The following KHDRBS2 variants were observed in gnomAD, a reference collection of about 807,000 sequenced individuals.
KHDRBS2 encodes the protein KH domain-containing, RNA-binding, signal transduction-associated protein 2.
Under a neutral mutation model 44.3 loss-of-function variants are expected in KHDRBS2, and 26 were observed. That is an observed-to-expected ratio of 0.59 (90% confidence interval 0.43 to 0.81). KHDRBS2 has a LOEUF of 0.81. Ranked by LOEUF, KHDRBS2 falls within the 40% of genes least tolerant of loss-of-function variation. KHDRBS2 has a pLI of 0.00. For missense variants in KHDRBS2, 476 were observed against 433.1 expected, an observed-to-expected ratio of 1.10 and a Z score of -0.88; for synonymous variants, 194 against 151.1, an observed-to-expected ratio of 1.28 and a Z score of -2.08.
chr6:61,807,878 C>CTT (rs1358297435), intron 6 of KHDRBS2, among the ~76,000 whole-genome samples: 1 of 152,052 alleles, frequency 6.6e-6, no homozygotes, highest in East Asian at 1.9e-4. Context: ...TAACCTGACT[C>CTT]TGTTACATAC....
At chr6:62,210,582 C>T (rs1299901050) in intron 1 of KHDRBS2, among the ~76,000 whole-genome samples, 5 of 152,114 alleles carry the variant, frequency 3.3e-5, no homozygotes, top group East Asian at 1.9e-4. Flanking sequence ...CCGCCCTCCT[C>T]GGCCTCCCAA....
chr6:61,704,854 A>G (rs1418950966), intron 7 of KHDRBS2, among the ~76,000 whole-genome samples: 1 of 151,864 alleles, frequency 6.6e-6, no homozygotes, highest in Non-Finnish European at 1.5e-5. Flanking sequence ...TTGTGTTTTT[A>G]CACCTATATT....
At chr6:61,863,757 T>G (rs1797365106) in intron 6 of KHDRBS2, among the ~76,000 whole-genome samples, 1 of 152,234 alleles carries the variant, frequency 6.6e-6, no homozygotes, top group Non-Finnish European at 1.5e-5. Context: ...ATATATATTC[T>G]GTTGTTTCTG....
At chr6:62,209,243 T>C (rs1828593487) in intron 1 of KHDRBS2, among the ~76,000 whole-genome samples, 2 of 152,136 alleles carry the variant, frequency 1.3e-5, no homozygotes, top group Admixed American at 1.3e-4. Context: ...AATAGAAACA[T>C]ACTTTTCAAT....
Position 61,743,629 on chromosome 6 carries a change from T to C in KHDRBS2, c.811-10865A>G, listed in dbSNP as rs190244406. On this transcript the variant is annotated intron_variant, in intron 6 of 8. Coordinates refer to ENST00000281156, the MANE Select transcript of KHDRBS2 (RefSeq NM_152688.4). ...CAGTGTTTTATCCTTATTTTATTTT[T>C]TTAATTTTATTATTATTATACTTTA... Among the ~76,000 whole-genome samples the C allele has an allele frequency of 4.4e-3, 666 of 152,220 alleles. 8 individuals carry two copies. The highest frequency in any genetic ancestry group is 0.015 in the African/African-American group (639 of 41,556).
At chr6:62,111,888 A>G (rs1805084806) in intron 2 of KHDRBS2, among the ~76,000 whole-genome samples, 2 of 152,052 alleles carry the variant, frequency 1.3e-5, no homozygotes, top group South Asian at 4.1e-4. Context: ...TCTTTATACA[A>G]GACAAGAAAA....
At chr6:62,011,172 C>T (rs527542374) in intron 3 of KHDRBS2, among the ~76,000 whole-genome samples, 5 of 152,200 alleles carry the variant, frequency 3.3e-5, no homozygotes, top group Admixed American at 2.0e-4. Context: ...TAAGGTTTTG[C>T]CTTCCATTCA....
chr6:61,871,409 A>C (rs1798639195), intron 6 of KHDRBS2, among the ~76,000 whole-genome samples: 1 of 152,192 alleles, frequency 6.6e-6, no homozygotes, highest in Non-Finnish European at 1.5e-5. Flanking sequence ...GATGGGGAGA[A>C]TGGAACTAAG....
At chr6:62,051,866 T>A (rs1789143005) in intron 2 of KHDRBS2, among the ~76,000 whole-genome samples, 1 of 151,908 alleles carries the variant, frequency 6.6e-6, no homozygotes, top group African/African-American at 2.4e-5. Context: ...AAACAACAGG[T>A]ATATGAAAAG....
rs539045056 is a variant in KHDRBS2 at position 61,708,760 on chromosome 6, T to TC, written c.894-11508dup. ...CAGTATAACTTCCTGCAGTTGTTTT[T>TC]CTGACTGGTTTGTTTTGAGAAAGTC... On this transcript the variant is annotated intron_variant, in intron 7 of 8. Coordinates refer to ENST00000281156, the MANE Select transcript of KHDRBS2 (RefSeq NM_152688.4). Among the ~76,000 whole-genome samples, 16 of 151,772 alleles carry TC rather than the reference T, an allele frequency of 1.1e-4. No homozygotes were observed. In the East Asian group the frequency reaches 3.1e-3, roughly 30 times the overall value.
intron 2 of KHDRBS2, among the ~76,000 whole-genome samples, chr6:62,062,853 A>G (rs1584448659): frequency 6.7e-6 from 1 of 148,446 alleles, no homozygotes; most frequent in East Asian, 2.0e-4. Flanking sequence ...GGTTTTTTGA[A>G]AGGATCAACA....
intron 4 of KHDRBS2, among the ~76,000 whole-genome samples, chr6:61,905,861 T>C (rs1483713040): frequency 2.1e-5 from 3 of 146,226 alleles, no homozygotes; most frequent in Non-Finnish European, 4.5e-5. Context: ...TTTCTTTTTT[T>C]TTTTTTTTTT....
chr6:62,086,735 T>C (rs1004265606), intron 2 of KHDRBS2, among the ~76,000 whole-genome samples: 3 of 152,080 alleles, frequency 2.0e-5, no homozygotes, highest in African/African-American at 7.2e-5. Context: ...CTGGAAAATG[T>C]AGTGGGCCAA....
chr6:62,207,538 A>C (rs1325170713), intron 1 of KHDRBS2, among the ~76,000 whole-genome samples: 1 of 152,114 alleles, frequency 6.6e-6, no homozygotes, highest in Non-Finnish European at 1.5e-5. Context: ...CCAAAGTAAA[A>C]ATCCATGTGA....
rs73760325 is a variant in KHDRBS2 at position 62,221,463 on chromosome 6, C to T, written c.92-44151G>A. ...GAGTAGATATTAGCTGCTCTTGCCA[C>T]GAAGGAGAAAAAATGGTTAACTATG... On this transcript the variant is annotated intron_variant, in intron 1 of 8. Transcript: ENST00000281156. 8.4e-3 allele frequency among the ~76,000 whole-genome samples: 1,269 copies of T among 151,880 alleles called. 17 individuals are homozygous for T. Among genetic ancestry groups the T allele is most frequent in the African/African-American group, 0.028 (1,176 of 41,426 alleles).
chr6:62,159,532 G>A (rs1203702673), intron 2 of KHDRBS2, among the ~76,000 whole-genome samples: 1 of 152,052 alleles, frequency 6.6e-6, no homozygotes, highest in African/African-American at 2.4e-5. Context: ...CCATAAGTGG[G>A]AGTATCTTAG....
chr6:62,170,793 G>A (rs209013), intron 2 of KHDRBS2, among the ~76,000 whole-genome samples: 28,203 of 151,916 alleles, frequency 0.19, 3,026 homozygotes, highest in African/African-American at 0.31. Flanking sequence ...AGAGAACAAA[G>A]ATGGGGACCT....
At chr6:61,924,855 A>G (rs1808678184) in intron 4 of KHDRBS2, among the ~76,000 whole-genome samples, 1 of 152,120 alleles carries the variant, frequency 6.6e-6, no homozygotes, top group South Asian at 2.1e-4. Context: ...TAGTTGTACA[A>G]AATACATGAT....
intron 6 of KHDRBS2, among the ~76,000 whole-genome samples, chr6:61,754,177 G>A (rs911842765): frequency 1.3e-5 from 2 of 152,104 alleles, no homozygotes; most frequent in Non-Finnish European, 2.9e-5. Context: ...TACAGATTTG[G>A]ATGACTAAAA....
Sources: allele counts gnomAD v4.1 joint callset (sites outside exome capture counted in the v4.1 genomes callset), GRCh38; gene constraint gnomAD v4.1.1; transcripts MANE v1.5; gene names NCBI Gene and HGNC (gene_info 2026-07-23, HGNC 2026-07-21).